MYO5C: variants seen among roughly 807,000 people sequenced by gnomAD.
The protein encoded by MYO5C is unconventional myosin-Vc.
A neutral mutation model predicts 235.7 loss-of-function variants in MYO5C; 194 were observed. That is an observed-to-expected ratio of 0.82 (90% CI 0.73 to 0.93). The LOEUF is 0.93. Among genes scored for constraint, MYO5C ranks in the 40% least tolerant of loss-of-function variants. The pLI is 0.00. For synonymous variants in MYO5C, 707 were observed against 754.8 expected (o/e 0.94, Z 1.04); for missense variants, 2,038 against 2,127.2 (o/e 0.96, Z 0.82).
At chr15:52,243,795 C>T (rs1377949085) in intron 19 of MYO5C, among the ~76,000 whole-genome samples, 1 of 152,198 alleles carries the variant, frequency 6.6e-6, no homozygotes, top group African/African-American at 2.4e-5. Context: ...CTCTCAGGAC[C>T]CCTCGAGGCA....
At chr15:52,256,587 A>ACGCGCGCGCGCACGCGCG in intron 11 of MYO5C, 52 bp downstream of exon 11, 1 of 564,332 alleles carries the variant, frequency 1.8e-6, no homozygotes, top group African/African-American at 2.0e-5. Context: ...ACACACACAC[A>ACGCGCGCGCGCACGCGCG]CGCGCGCGCG....
rs576864172 is a variant in MYO5C, at chr15:52,275,606, C to T, written c.562G>A (p.Ala188Thr). The change falls in exon 5 of 41, where the codon GCT (alanine) becomes ACT (threonine). Residue 188 changes from alanine (A) to threonine (T), a missense_variant. Transcript: ENST00000261839. ...FATVSKSGSN[A>T]HVEDKVLASN... ...GCCAGGACCTTGTCTTCCACGTGAG[C>T]GTTGCTGCCCGATTTGCTGACGGTG... The T allele has an allele frequency of 7.8e-5, 126 of 1,614,198 alleles. No homozygotes were observed. The South Asian group carries it at 8.9e-4, about 11-fold the overall frequency.
intron 38 of MYO5C, among the ~76,000 whole-genome samples, chr15:52,198,645 G>A (rs561937313): frequency 3.9e-5 from 6 of 151,996 alleles, no homozygotes; most frequent in South Asian, 4.2e-4. Context: ...GTAGTGGTGC[G>A]ATCTCAGCTC....
chr15:52,261,172 A>C, intron 9 of MYO5C, 45 bp from the exon 10 acceptor site: 1 of 1,602,014 alleles, frequency 6.2e-7, no homozygotes, highest in Non-Finnish European at 8.5e-7. Flanking sequence ...CAGCCATCCA[A>C]AGACACACAA....
In MYO5C at chr15:52,225,523, C is replaced by CA; in HGVS notation, c.3216dup (p.Glu1073Ter). 1.2e-6 allele frequency: 2 copies of CA among 1,610,994 alleles called. No homozygotes were observed. The highest frequency in any genetic ancestry group is 1.7e-6 in the Non-Finnish European group (2 of 1,177,892). On this transcript the variant is annotated frameshift_variant, in exon 26 of 41. Coordinates refer to ENST00000261839, the MANE Select transcript of MYO5C (RefSeq NM_018728.4). LOFTEE classifies it high-confidence loss of function. ...AGTAGTTCTATCTCTTTTTCGAACT[C>CA]AGAGATTGTCTGAATCACAGCAATG...
intron 5 of MYO5C, among the ~76,000 whole-genome samples, chr15:52,274,512 C>T (rs1027667068): frequency 3.9e-5 from 6 of 152,234 alleles, no homozygotes; most frequent in Non-Finnish European, 7.4e-5. Flanking sequence ...CTTCTGAGCT[C>T]AAGCAATCCA....
chr15:52,291,649 C>T (rs532930100), intron 1 of MYO5C, among the ~76,000 whole-genome samples: 7 of 151,488 alleles, frequency 4.6e-5, no homozygotes, highest in African/African-American at 1.7e-4. Context: ...TTGTTGACTT[C>T]TCTGCAGCTA....
intron 13 of MYO5C, among the ~76,000 whole-genome samples, chr15:52,250,069 T>C (rs1368817718): frequency 6.6e-6 from 1 of 152,114 alleles, no homozygotes; most frequent in Non-Finnish European, 1.5e-5. Context: ...TATGTGCTTT[T>C]TATGGAGTCT....
At chr15:52,225,296 C>T in intron 26 of MYO5C, 143 bp downstream of exon 26, 1 of 1,048,272 alleles carries the variant, frequency 9.5e-7, no homozygotes, top group Non-Finnish European at 1.4e-6. Flanking sequence ...GGTATTCAAC[C>T]AACTAGCTAT....
intron 13 of MYO5C, 137 bp downstream of exon 13, chr15:52,251,253 C>A (rs1226625966): frequency 5.4e-6 from 4 of 742,238 alleles, no homozygotes; most frequent in Non-Finnish European, 5.9e-6. Context: ...AAATAAGGAA[C>A]TGTTAAACAC....
chr15:52,220,234 T>A (rs1476146271), intron 30 of MYO5C, among the ~76,000 whole-genome samples: 7 of 152,228 alleles, frequency 4.6e-5, no homozygotes, highest in Non-Finnish European at 1.0e-4. Context: ...CACATAAATA[T>A]TCCACATAAA....
Position 52,245,441 on chromosome 15 carries a change from A to G in MYO5C, c.2091T>C (p.Ser697=). 6.2e-7 allele frequency: 1 copy of G among 1,614,024 alleles called. No individual in the cohort carries two copies. Among genetic ancestry groups the G allele is most frequent in the Non-Finnish European group, 8.5e-7 (1 of 1,179,916 alleles). Residue 697 remains serine, a synonymous_variant, in exon 18 of 41, where the codon AGT becomes AGC. Coordinates refer to ENST00000261839, the MANE Select transcript of MYO5C (RefSeq NM_018728.4). ...GCTTGGTCATGAGAATGCCGTAGCG[A>G]CTGTAGAACTCGATGTATGTCCACC... ...PSRWTYIEFY[S]RYGILMTKQE...
At chr15:52,206,417 T>C (rs566681363) in intron 36 of MYO5C, among the ~76,000 whole-genome samples, 2 of 152,188 alleles carry the variant, frequency 1.3e-5, no homozygotes, top group African/African-American at 2.4e-5. Context: ...AAATCATACA[T>C]TGAAGCCCTA....
At chr15:52,227,582 T>C (rs932951676) in intron 25 of MYO5C, among the ~76,000 whole-genome samples, 4 of 152,096 alleles carry the variant, frequency 2.6e-5, no homozygotes, top group Non-Finnish European at 5.9e-5. Context: ...GGTACCTCTC[T>C]GCAAGCGCAG....
At chr15:52,209,854 T>A (rs1431773599) in intron 35 of MYO5C, among the ~76,000 whole-genome samples, 1 of 152,210 alleles carries the variant, frequency 6.6e-6, no homozygotes, top group Non-Finnish European at 1.5e-5. Flanking sequence ...TAACTCCAGA[T>A]AAATAATGAA....
At position 52,244,386 on chromosome 15, in the gene MYO5C, T is replaced by C; in HGVS notation, c.2360A>G (p.Gln787Arg). 6.2e-7 allele frequency: 1 copy of C among 1,613,818 alleles called. No individual in the cohort carries two copies. The highest frequency in any genetic ancestry group is 8.5e-7 in the Non-Finnish European group (1 of 1,179,994). ...LRERRAALII[Q>R]QYFRGQQTVR... is the part of the protein sequence containing the mutation. ...AGTTTGCTGACCCCGGAAGTACTGCTGGATTATCAGGGCGGCTCGTCTCTC... is the reference window on the plus strand; with the variant it reads ...AGTTTGCTGACCCCGGAAGTACTGCCGGATTATCAGGGCGGCTCGTCTCTC... Residue 787 changes from glutamine to arginine, a missense_variant, in exon 19 of 41, where the codon CAG becomes CGG. Gln to Arg is a conservative substitution (Grantham distance 43). Coordinates refer to ENST00000261839, the MANE Select transcript of MYO5C (RefSeq NM_018728.4).
Position 52,272,611 on chromosome 15 carries a change from T to A in MYO5C, c.719A>T (p.Tyr240Phe). Residue 240 changes from tyrosine to phenylalanine, a missense_variant, in exon 6 of 41, where the codon TAC becomes TTC. Physicochemically the swap from Tyr to Phe is conservative, Grantham distance 22. Transcript: ENST00000261839. ...NQIIGANMST[Y>F]LLEKSRVVFQ... Reference sequence around the variant, plus strand: ...GACAACTCTGGATTTCTCCAGGAGGTAAGTGCTCATGTTGGCTCCTATAAT... The same window carrying A: ...GACAACTCTGGATTTCTCCAGGAGGAAAGTGCTCATGTTGGCTCCTATAAT... 6.2e-7 allele frequency: 1 copy of A among 1,613,832 alleles called. No homozygotes were observed. Among genetic ancestry groups the A allele is most frequent in the South Asian group, 1.1e-5 (1 of 90,936 alleles).
intron 12 of MYO5C, among the ~76,000 whole-genome samples, chr15:52,251,830 A>G (rs1220515362): frequency 6.6e-6 from 1 of 151,768 alleles, no homozygotes; most frequent in Non-Finnish European, 1.5e-5. Flanking sequence ...ATGCCTGACT[A>G]ATTTTTGTAT....
At position 52,256,587 on chromosome 15, in the gene MYO5C, A is replaced by ACACACGCACGCGCGCGCGCGCG; in HGVS notation, c.1395+51_1395+52insCGCGCGCGCGCGCGTGCGTGTG. On this transcript the variant is annotated intron_variant, in intron 11 of 40. Transcript: ENST00000261839. Reference sequence around the variant, plus strand: ...AACACACACACACACACACACACACACGCGCGCGCGCGCGGCTGAGAACTA... The same window carrying ACACACGCACGCGCGCGCGCGCG: ...AACACACACACACACACACACACACACACACGCACGCGCGCGCGCGCGCGCGCGCGCGCGCGGCTGAGAACTA... 3 of 567,792 alleles carry ACACACGCACGCGCGCGCGCGCG rather than the reference A, an allele frequency of 5.3e-6. No individual in the cohort carries two copies. The East Asian group carries it at 1.1e-4, about 21-fold the overall frequency. The allele number at this position is 567,792 out of a possible 1,614,324, so 35.2% of individuals were successfully genotyped here.
Sources: gnomAD v4.1 joint callset for allele counts (sites outside exome capture counted in the v4.1 genomes callset) on GRCh38, gnomAD v4.1.1 for gene constraint, MANE v1.5 for transcripts, NCBI Gene and HGNC (gene_info 2026-07-23, HGNC 2026-07-21) for gene names.